OPRM1: variants seen among roughly 807,000 people sequenced by gnomAD.
OPRM1 encodes opioid receptor mu 1.
A neutral mutation model predicts 31.8 loss-of-function variants in OPRM1; 27 were observed. The observed-to-expected ratio is 0.85, with a 90% CI of 0.63 to 1.17. The LOEUF is 1.17. Ranked by LOEUF, OPRM1 falls within the 50% of genes most tolerant of loss-of-function variation. OPRM1 has a pLI of 0.00. For missense variants in OPRM1, 536 were observed against 511.1 expected (o/e 1.05, Z -0.47); for synonymous variants, 196 against 189.9 (o/e 1.03, Z -0.26).
chr6:154,126,721 A>G lies in OPRM1; in HGVS notation c.*8000A>G, dbSNP rs1157961067. On this transcript the variant is annotated 3_prime_UTR_variant, in exon 4 of 4. Transcript: ENST00000330432. ...CTCTGTGTTAGGAAGGCTCAGTGAC[A>G]GGTGTACAGCCTTCAGTAATGCCTC... is the stretch of plus-strand genomic sequence containing the variant. 6.6e-6 allele frequency among the ~76,000 whole-genome samples: 1 copy of G among 152,148 alleles called. No individual in the cohort carries two copies. Among genetic ancestry groups the G allele is most frequent in the Non-Finnish European group, 1.5e-5 (1 of 68,038 alleles).
intron 3 of OPRM1, among the ~76,000 whole-genome samples, chr6:154,182,683 T>C (rs145703076): frequency 6.6e-6 from 1 of 152,244 alleles, no homozygotes; most frequent in East Asian, 1.9e-4. Flanking sequence ...GAGAACAAAA[T>C]GGTAGCAGTG....
chr6:154,189,778 G>A (rs1801701821), intron 3 of OPRM1, among the ~76,000 whole-genome samples: 1 of 152,034 alleles, frequency 6.6e-6, no homozygotes, highest in Non-Finnish European at 1.5e-5. Flanking sequence ...AGTCCAGCCT[G>A]ACCAATATGG....
chr6:154,102,019 A>G (rs1794902291), intron 3 of OPRM1, among the ~76,000 whole-genome samples: 1 of 152,168 alleles, frequency 6.6e-6, no homozygotes, highest in Admixed American at 6.5e-5. Flanking sequence ...AGCTCCCTGC[A>G]GCCTCTACTT....
intron 3 of OPRM1, among the ~76,000 whole-genome samples, chr6:154,238,548 G>T (rs1342937950): frequency 6.6e-6 from 1 of 152,176 alleles, no homozygotes; most frequent in African/African-American, 2.4e-5. Context: ...TCATAGGCAT[G>T]AGCCACTACA....
intron 1 of OPRM1, among the ~76,000 whole-genome samples, chr6:154,057,717 A>T (rs1180852387): frequency 2.0e-5 from 3 of 152,224 alleles, no homozygotes; most frequent in African/African-American, 7.2e-5. Context: ...GGCACAGAAG[A>T]GCAGAGTCCT....
In OPRM1 at chr6:154,039,574, C is replaced by T; in HGVS notation, c.30C>T (p.Ala10=). The T allele has an allele frequency of 6.2e-7, 1 of 1,613,480 alleles. No homozygotes were observed. Among genetic ancestry groups the T allele is most frequent in the African/African-American group, 1.3e-5 (1 of 75,048 alleles). ...ACAGCAGCGCTGCCCCCACGAACGC[C>T]AGCAATTGCACTGATGCCTTGGCGT... MDSSAAPTN[A]SNCTDALAYS... The change falls in exon 1 of 4, where the codon GCC becomes GCT. Residue 10 remains alanine (A), a synonymous_variant. Coordinates refer to ENST00000330432, the MANE Select transcript of OPRM1 (RefSeq NM_000914.5).
At chr6:154,230,543 T>A (rs1779638713) in intron 3 of OPRM1, among the ~76,000 whole-genome samples, 1 of 152,140 alleles carries the variant, frequency 6.6e-6, no homozygotes, top group Non-Finnish European at 1.5e-5. Flanking sequence ...CCTACACATG[T>A]CAGAAAAGCA....
intron 3 of OPRM1, among the ~76,000 whole-genome samples, chr6:154,097,624 A>G (rs598682): frequency 0.82 from 124,252 of 151,980 alleles, 51,253 homozygotes; most frequent in East Asian, 0.92. Context: ...TGATATAGGC[A>G]TGTCTCTTTT....
At chr6:154,145,375 A>G (rs1056770802) in intron 3 of OPRM1, among the ~76,000 whole-genome samples, 3 of 152,264 alleles carry the variant, frequency 2.0e-5, no homozygotes, top group South Asian at 4.1e-4. Flanking sequence ...CAACGGACAC[A>G]TGGACAGCCA....
At chr6:154,072,418 A>G (rs1048253424) in intron 1 of OPRM1, among the ~76,000 whole-genome samples, 3 of 152,224 alleles carry the variant, frequency 2.0e-5, no homozygotes, top group Non-Finnish European at 4.4e-5. Context: ...CAAGAATGCA[A>G]AAGGTTGAAA....
rs1276028790 is a variant in OPRM1, at chr6:154,089,945, T to C, written c.410T>C (p.Phe137Ser). 5 of 1,613,964 alleles carry C rather than the reference T, an allele frequency of 3.1e-6. No individual in the cohort carries two copies. In the African/African-American group the frequency reaches 4.0e-5, roughly 13 times the overall value. Reference protein sequence around the residue: ...SVNYLMGTWPFGTILCKIVIS... With the variant: ...SVNYLMGTWPSGTILCKIVIS... ...AATTACCTAATGGGAACATGGCCAT[T>C]TGGAACCATCCTTTGCAAGATAGTG... Residue 137 changes from phenylalanine to serine, a missense_variant, in exon 2 of 4, where the codon TTT becomes TCT. Coordinates refer to ENST00000330432, the MANE Select transcript of OPRM1 (RefSeq NM_000914.5).
intron 3 of OPRM1, among the ~76,000 whole-genome samples, chr6:154,182,495 A>C (rs895513544): frequency 1.3e-5 from 2 of 152,218 alleles, no homozygotes; most frequent in Non-Finnish European, 1.5e-5. Context: ...ATTTGTTTTT[A>C]AATTTTATTC....
At chr6:154,183,353 CATA>C (rs1801066222) in intron 3 of OPRM1, among the ~76,000 whole-genome samples, 2 of 152,204 alleles carry the variant, frequency 1.3e-5, no homozygotes, top group Non-Finnish European at 2.9e-5. Flanking sequence ...TATGTACTTG[CATA>C]ACATGACCTA....
At chr6:154,011,483 A>T (rs1325972270) in intron 1 of OPRM1, among the ~76,000 whole-genome samples, 1 of 152,202 alleles carries the variant, frequency 6.6e-6, no homozygotes, top group Admixed American at 6.5e-5. Flanking sequence ...GTAAACATAA[A>T]CTGCTTTAAG....
intron 1 of OPRM1, among the ~76,000 whole-genome samples, chr6:154,064,528 T>G (rs1784993041): frequency 6.6e-6 from 1 of 152,362 alleles, no homozygotes; most frequent in South Asian, 2.1e-4. Flanking sequence ...TTTTGTTGCC[T>G]GTGCCTTTAG....
rs1797314000 is a variant in OPRM1, at chr6:154,121,817, A to G, written c.*3096A>G. Among the ~76,000 whole-genome samples, 1 of 152,228 alleles carries G rather than the reference A, an allele frequency of 6.6e-6. No homozygotes were observed. The highest frequency in any genetic ancestry group is 1.5e-5 in the Non-Finnish European group (1 of 68,036). On this transcript the variant is annotated 3_prime_UTR_variant, in exon 4 of 4. Coordinates refer to ENST00000330432, the MANE Select transcript of OPRM1 (RefSeq NM_000914.5). ...TCAAAAAGTCCCCAAAGCATTCAAA[A>G]TCTTTACTTAAGTCAAGTCTATTTA...
At chr6:154,166,390 C>A (rs528705042) in intron 3 of OPRM1, among the ~76,000 whole-genome samples, 1 of 152,330 alleles carries the variant, frequency 6.6e-6, no homozygotes, top group African/African-American at 2.4e-5. Flanking sequence ...ACTAATGACT[C>A]AAACTGCACA....
At chr6:154,031,874 A>G (rs893453840) in intron 1 of OPRM1, among the ~76,000 whole-genome samples, 16 of 152,240 alleles carry the variant, frequency 1.1e-4, no homozygotes, top group African/African-American at 3.6e-4. Flanking sequence ...ATTCATGGTG[A>G]GCTAGGAGCA....
chr6:154,171,951 A>G (rs1334811499), intron 3 of OPRM1, among the ~76,000 whole-genome samples: 1 of 152,252 alleles, frequency 6.6e-6, no homozygotes, highest in Non-Finnish European at 1.5e-5. Flanking sequence ...ATTAAGGAAT[A>G]TATGTTTAAC....
Sources: allele counts gnomAD v4.1 joint callset (sites outside exome capture counted in the v4.1 genomes callset), GRCh38; gene constraint gnomAD v4.1.1; transcripts MANE v1.5; gene names NCBI Gene and HGNC (gene_info 2026-07-23, HGNC 2026-07-21).